The following GSG1L variants were observed in gnomAD, a reference collection of about 807,000 sequenced individuals.
GSG1L encodes the protein germ cell-specific gene 1-like protein.
GSG1L carries 24 observed loss-of-function variants against 42.1 expected under a neutral mutation model. That is an observed-to-expected ratio of 0.57 (90% confidence interval 0.41 to 0.80). GSG1L has a LOEUF of 0.80. Ranked by LOEUF, GSG1L falls within the 30% of genes least tolerant of loss-of-function variation. GSG1L has a pLI of 0.00. For missense variants in GSG1L, 445 were observed against 472.2 expected (o/e 0.94, Z 0.53); for synonymous variants, 215 against 203.5 (o/e 1.06, Z -0.48).
intron 4 of GSG1L, among the ~76,000 whole-genome samples, chr16:27,834,008 T>C (rs2083297664): frequency 6.6e-6 from 1 of 152,202 alleles, no homozygotes; most frequent in African/African-American, 2.4e-5. Flanking sequence ...TGAATAATAA[T>C]GGTGTTCTCA....
intron 2 of GSG1L, among the ~76,000 whole-genome samples, chr16:27,886,402 T>C (rs1208698592): frequency 2.0e-5 from 3 of 152,120 alleles, no homozygotes; most frequent in South Asian, 2.1e-4. Flanking sequence ...ATAGCACCAC[T>C]GCACTCCAGC....
chr16:28,036,145 C>T (rs2086033101), intron 1 of GSG1L, among the ~76,000 whole-genome samples: 1 of 152,180 alleles, frequency 6.6e-6, no homozygotes, highest in African/African-American at 2.4e-5. Context: ...GTGGGCAACA[C>T]GTACAAAATG....
chr16:28,002,186 T>C (rs1248772763), intron 1 of GSG1L, among the ~76,000 whole-genome samples: 1 of 152,154 alleles, frequency 6.6e-6, no homozygotes, highest in African/African-American at 2.4e-5. Flanking sequence ...GATGGTGATA[T>C]GTGCCCTGAA....
At chr16:28,010,837 G>A (rs1371077819) in intron 1 of GSG1L, among the ~76,000 whole-genome samples, 3 of 152,150 alleles carry the variant, frequency 2.0e-5, no homozygotes, top group Non-Finnish European at 4.4e-5. Flanking sequence ...GACGGTGATT[G>A]CAAAATTCAA....
chr16:27,888,487 CTTT>C (rs2084072023), intron 2 of GSG1L, among the ~76,000 whole-genome samples: 48 of 13,064 alleles, frequency 3.7e-3, no homozygotes, highest in African/African-American at 6.7e-3. Context: ...TCTTTCCTTT[CTTT>C]CTTTCTTTCT....
chr16:28,004,101 AG>A (rs1052185436), intron 1 of GSG1L, among the ~76,000 whole-genome samples: 6 of 152,100 alleles, frequency 3.9e-5, no homozygotes, highest in Non-Finnish European at 8.8e-5. Context: ...AGCAGGGTGG[AG>A]GGGGCAGGAG....
intron 2 of GSG1L, among the ~76,000 whole-genome samples, chr16:27,961,109 C>G (rs1300062240): frequency 7.2e-5 from 11 of 152,236 alleles, no homozygotes; most frequent in Non-Finnish European, 1.6e-4. Context: ...CTAGAACACA[C>G]CTGTGCTTAT....
chr16:27,846,255 G>C (rs1263600220), intron 3 of GSG1L, among the ~76,000 whole-genome samples: 1 of 152,136 alleles, frequency 6.6e-6, no homozygotes, highest in East Asian at 1.9e-4. Flanking sequence ...GAAGGGACAA[G>C]TCTCTCCTCT....
At chr16:27,893,530 G>A (rs2084154616) in intron 2 of GSG1L, among the ~76,000 whole-genome samples, 1 of 152,160 alleles carries the variant, frequency 6.6e-6, no homozygotes, top group South Asian at 2.1e-4. Flanking sequence ...AGTTAAGTAT[G>A]ACTATTTCTT....
intron 1 of GSG1L, among the ~76,000 whole-genome samples, chr16:27,986,670 G>T (rs1428010042): frequency 6.6e-6 from 1 of 152,178 alleles, no homozygotes; most frequent in South Asian, 2.1e-4. Flanking sequence ...TTGCAGTGAG[G>T]TACACTGTCC....
intron 5 of GSG1L, among the ~76,000 whole-genome samples, chr16:27,822,741 G>A (rs965745097): frequency 2.0e-5 from 3 of 152,128 alleles, no homozygotes; most frequent in South Asian, 2.1e-4. Flanking sequence ...AATTAATACC[G>A]TAATTGATTG....
intron 1 of GSG1L, among the ~76,000 whole-genome samples, chr16:28,055,308 C>T (rs1027958226): frequency 6.6e-6 from 1 of 151,838 alleles, no homozygotes; most frequent in Non-Finnish European, 1.5e-5. Context: ...AGGCACACAC[C>T]ACCACACTTA....
At chr16:27,799,274 C>T (rs1026268028) in intron 6 of GSG1L, among the ~76,000 whole-genome samples, 2 of 150,266 alleles carry the variant, frequency 1.3e-5, no homozygotes, top group Non-Finnish European at 3.0e-5. Context: ...CGGCTCACGC[C>T]TGTAATCTCA....
At chr16:28,025,568 G>C (rs1353435539) in intron 1 of GSG1L, among the ~76,000 whole-genome samples, 1 of 152,222 alleles carries the variant, frequency 6.6e-6, no homozygotes, top group Non-Finnish European at 1.5e-5. Context: ...GCCCAGGCTA[G>C]AAGGGCTGAC....
At chr16:27,931,542 G>A (rs1596622318) in intron 2 of GSG1L, among the ~76,000 whole-genome samples, 1 of 152,242 alleles carries the variant, frequency 6.6e-6, no homozygotes, top group Admixed American at 6.5e-5. Context: ...GCTTTATACT[G>A]ATTAGATAGG....
intron 1 of GSG1L, among the ~76,000 whole-genome samples, chr16:27,975,795 C>T (rs1432803395): frequency 6.6e-6 from 1 of 152,154 alleles, no homozygotes; most frequent in Non-Finnish European, 1.5e-5. Context: ...ACAGTTGTAT[C>T]CCATCAACAT....
intron 3 of GSG1L, among the ~76,000 whole-genome samples, chr16:27,856,068 G>C (rs2083573547): frequency 6.6e-6 from 1 of 152,182 alleles, no homozygotes; most frequent in Admixed American, 6.5e-5. Context: ...TTTGGGGACA[G>C]AGAAGGCTTT....
At chr16:27,843,362 A>G (rs1200265881) in intron 4 of GSG1L, among the ~76,000 whole-genome samples, 1 of 152,144 alleles carries the variant, frequency 6.6e-6, no homozygotes, top group East Asian at 1.9e-4. Flanking sequence ...GTTTGGTCAC[A>G]TACTTAAGCT....
chr16:27,923,690 A>T (rs2084554728), intron 2 of GSG1L, among the ~76,000 whole-genome samples: 1 of 149,060 alleles, frequency 6.7e-6, no homozygotes, highest in African/African-American at 2.5e-5. Context: ...TGCAAGATTG[A>T]GCCACTGCAC....
Sources: allele counts gnomAD v4.1 joint callset (sites outside exome capture counted in the v4.1 genomes callset), GRCh38; gene constraint gnomAD v4.1.1; transcripts MANE v1.5; gene names NCBI Gene and HGNC (gene_info 2026-07-23, HGNC 2026-07-21).